Variants in THADA observed in about 807,000 individuals in gnomAD.
THADA encodes THADA armadillo repeat containing.
Under a neutral mutation model 219.8 loss-of-function variants are expected in THADA, and 213 were observed. The ratio of observed to expected loss-of-function variants is 0.97; its 90% confidence interval spans 0.87 to 1.09. The LOEUF (loss-of-function observed/expected upper bound fraction) is 1.09, where lower values mean the gene tolerates loss of function less well. Among genes scored for constraint, THADA ranks in the 50% least tolerant of loss-of-function variants. THADA has a pLI of 0.00. For synonymous variants in THADA, 1,018 were observed against 828.9 expected, an observed-to-expected ratio of 1.23 and a Z score of -3.92; for missense variants, 2,956 against 2,311.3, an observed-to-expected ratio of 1.28 and a Z score of -5.72.
intron 36 of THADA, among the ~76,000 whole-genome samples, chr2:43,273,255 C>A (rs566288088): frequency 6.0e-5 from 8 of 132,546 alleles, no homozygotes; most frequent in Admixed American, 2.3e-4. Context: ...TCTGTCTCAA[C>A]AACAACAACA....
intron 29 of THADA, among the ~76,000 whole-genome samples, chr2:43,357,825 G>A (rs1019273415): frequency 2.0e-5 from 3 of 152,158 alleles, no homozygotes; most frequent in Non-Finnish European, 4.4e-5. Flanking sequence ...GTTAATTGGG[G>A]GAGTGGGATT....
intron 36 of THADA, 39 bp from the exon 37 acceptor site, chr2:43,232,921 C>G (rs778702267): frequency 6.4e-7 from 1 of 1,566,238 alleles, no homozygotes; most frequent in South Asian, 1.2e-5. Flanking sequence ...GAATATACTG[C>G]TCAGGGCCGA....
At chr2:43,446,759 G>A (rs576963916) in intron 26 of THADA, among the ~76,000 whole-genome samples, 20 of 152,312 alleles carry the variant, frequency 1.3e-4, no homozygotes, top group Non-Finnish European at 1.9e-4. Flanking sequence ...TGTGGAAAAG[G>A]TAATACTAAA....
In THADA at chr2:43,439,722, A is replaced by AT. The variant is rs539071996; in HGVS notation, c.3837-9421dup. Among the ~76,000 whole-genome samples the AT allele has an allele frequency of 1.4e-3, 216 of 152,338 alleles. 1 individual carries two copies. The highest frequency in any genetic ancestry group is 2.4e-3 in the Non-Finnish European group (162 of 68,032). Reference sequence around the variant, plus strand: ...GTGCATAGGAAAAAATATAGTGTATATACGGTTCAGCGTATCCATGGTTCG... The same window carrying AT: ...GTGCATAGGAAAAAATATAGTGTATATTACGGTTCAGCGTATCCATGGTTCG... On this transcript the variant is annotated intron_variant, in intron 26 of 37. Transcript: ENST00000405975.
intron 30 of THADA, among the ~76,000 whole-genome samples, chr2:43,325,947 CA>C (rs1679272825): frequency 6.6e-6 from 1 of 151,940 alleles, no homozygotes; most frequent in Non-Finnish European, 1.5e-5. Flanking sequence ...GCTTTGTATC[CA>C]AAATGGCAGT....
intron 25 of THADA, among the ~76,000 whole-genome samples, chr2:43,497,547 G>T (rs1357277579): frequency 6.6e-6 from 1 of 152,140 alleles, no homozygotes; most frequent in African/African-American, 2.4e-5. Flanking sequence ...AGTCAGGAAG[G>T]GAGGGAGAAC....
At chr2:43,320,710 G>A (rs928406840) in intron 30 of THADA, among the ~76,000 whole-genome samples, 170 bp from the exon 31 acceptor site, 3 of 152,214 alleles carry the variant, frequency 2.0e-5, no homozygotes, top group African/African-American at 4.8e-5. Context: ...AGCAACTAAT[G>A]TGAGCAAATG....
At chr2:43,337,352 G>A (rs1666571313) in intron 30 of THADA, among the ~76,000 whole-genome samples, 1 of 152,204 alleles carries the variant, frequency 6.6e-6, no homozygotes, top group South Asian at 2.1e-4. Flanking sequence ...TAAAATGGCT[G>A]TGAGGCATGT....
intron 25 of THADA, among the ~76,000 whole-genome samples, chr2:43,495,502 G>A (rs1688149963): frequency 6.6e-6 from 1 of 152,026 alleles, no homozygotes; most frequent in African/African-American, 2.4e-5. Flanking sequence ...GAATCAGAAT[G>A]CTCATATCTG....
intron 31 of THADA, among the ~76,000 whole-genome samples, chr2:43,302,786 G>A (rs758008841): frequency 4.6e-5 from 7 of 152,056 alleles, no homozygotes; most frequent in Admixed American, 6.6e-5. Context: ...GTATCGTGGC[G>A]TGCACCTGTA....
At chr2:43,444,689 G>T (rs1681285691) in intron 26 of THADA, among the ~76,000 whole-genome samples, 1 of 152,144 alleles carries the variant, frequency 6.6e-6, no homozygotes, top group Non-Finnish European at 1.5e-5. Flanking sequence ...AAACTATTGT[G>T]CAGTGAAAAA....
In THADA at chr2:43,556,555, C is replaced by T. The variant is rs1349985479; in HGVS notation, c.2464G>A (p.Asp822Asn). ...KLSKTAVHFQ[D>N]SGKLQGLFQA... ...AATAAGCCTTGCAGTTTCCCCGAAT[C>T]CTAGAATAAAGCGCAGACTCAGTAA... Residue 822 changes from aspartate (D) to asparagine (N), a missense_variant and splice_region_variant, in exon 17 of 38, where the codon GAT becomes AAT. Physicochemically the swap from Asp to Asn is conservative, Grantham distance 23. Coordinates refer to ENST00000405975, the MANE Select transcript of THADA (RefSeq NM_022065.5). The T allele has an allele frequency of 1.2e-6, 2 of 1,612,972 alleles. No homozygotes were observed.
chr2:43,534,650 T>G (rs1479828130), intron 21 of THADA, among the ~76,000 whole-genome samples: 2 of 152,240 alleles, frequency 1.3e-5, no homozygotes, highest in African/African-American at 2.4e-5. Context: ...AGTATTTCAT[T>G]CTTTATTATG....
chr2:43,590,636 C>G (rs557231945), intron 4 of THADA, among the ~76,000 whole-genome samples, 188 bp downstream of exon 4: 89 of 139,726 alleles, frequency 6.4e-4, no homozygotes, highest in African/African-American at 2.3e-3. Flanking sequence ...CAGAGCTAGA[C>G]TCCGTCTCAA....
chr2:43,500,197 C>CA (rs1000409451), intron 24 of THADA, among the ~76,000 whole-genome samples: 1 of 151,444 alleles, frequency 6.6e-6, no homozygotes, highest in African/African-American at 2.4e-5. Context: ...ATGTAAAACT[C>CA]AAAAAAAAGA....
Position 43,288,678 on chromosome 2 carries a change from ATTC to A in THADA, c.5011-1620_5011-1618del, listed in dbSNP as rs1441451910. Among the ~76,000 whole-genome samples the A allele has an allele frequency of 7.2e-5, 11 of 152,304 alleles. No homozygotes were observed. The East Asian group carries it at 2.1e-3, about 29-fold the overall frequency. On this transcript the variant is annotated intron_variant, in intron 34 of 37. Coordinates refer to ENST00000405975, the MANE Select transcript of THADA (RefSeq NM_022065.5). Reference sequence around the variant, plus strand: ...CACCCAGAAGCTCTCTGAACTTTTCATTCTTCAGGGTTTTTAAGGAAGCTTCAT... The same window carrying A: ...CACCCAGAAGCTCTCTGAACTTTTCATTCAGGGTTTTTAAGGAAGCTTCAT...
chr2:43,511,650 C>CAACACACACATGACACA (rs1553469258), intron 22 of THADA, among the ~76,000 whole-genome samples: 7 of 151,746 alleles, frequency 4.6e-5, no homozygotes, highest in Non-Finnish European at 1.0e-4. Flanking sequence ...TACTAACATA[C>CAACACACACATGACACA]AACACACACA....
chr2:43,452,805 T>C (rs1682506647), intron 26 of THADA, among the ~76,000 whole-genome samples: 1 of 152,202 alleles, frequency 6.6e-6, no homozygotes, highest in African/African-American at 2.4e-5. Flanking sequence ...CAAAGCATTT[T>C]TGGAGATCAC....
At chr2:43,360,754 A>G (rs985210712) in intron 29 of THADA, among the ~76,000 whole-genome samples, 5 of 152,212 alleles carry the variant, frequency 3.3e-5, no homozygotes, top group African/African-American at 1.2e-4. Flanking sequence ...CTGGAAGGCT[A>G]TGAGGATCGT....
Sources: allele counts gnomAD v4.1 joint callset (sites outside exome capture counted in the v4.1 genomes callset), GRCh38; gene constraint gnomAD v4.1.1; transcripts MANE v1.5; gene names NCBI Gene and HGNC (gene_info 2026-07-23, HGNC 2026-07-21).